The following RBM20 variants were observed in gnomAD, a reference collection of about 807,000 sequenced individuals.
The protein encoded by RBM20 is RNA-binding protein 20.
A neutral mutation model predicts 110.1 loss-of-function variants in RBM20; 51 were observed. The ratio of observed to expected loss-of-function variants is 0.46; its 90% CI spans 0.37 to 0.59. The LOEUF (loss-of-function observed/expected upper bound fraction) is 0.59, where lower values mean the gene tolerates loss of function less well. Among genes scored for constraint, RBM20 ranks in the 20% least tolerant of loss-of-function variants. The pLI, the probability that RBM20 is intolerant of heterozygous loss-of-function variation, is 0.00. For missense variants in RBM20, 1,512 were observed against 1,574.9 expected, an observed-to-expected ratio of 0.96 and a Z score of 0.68; for synonymous variants, 589 against 618.2, an observed-to-expected ratio of 0.95 and a Z score of 0.70.
chr10:110,827,505 C>A (rs1419145703), intron 12 of RBM20, among the ~76,000 whole-genome samples: 2 of 152,148 alleles, frequency 1.3e-5, no homozygotes, highest in Admixed American at 6.5e-5. Flanking sequence ...TACATTTGTG[C>A]AGAAACTATG....
At chr10:110,835,798 C>G (rs971801933) in intron 13 of RBM20, 70 bp from the exon 14 acceptor site, 7 of 1,455,120 alleles carry the variant, frequency 4.8e-6, no homozygotes, top group African/African-American at 2.8e-5. Context: ...GAGGCATGTC[C>G]GCTCCTCTCC....
At chr10:110,745,615 C>T (rs1843770762) in intron 1 of RBM20, among the ~76,000 whole-genome samples, 2 of 152,188 alleles carry the variant, frequency 1.3e-5, no homozygotes, top group Middle Eastern at 3.4e-3. Flanking sequence ...GGTCACTCAG[C>T]ATTTGCATAC....
At chr10:110,719,110 G>A (rs980262358) in intron 1 of RBM20, among the ~76,000 whole-genome samples, 3 of 152,226 alleles carry the variant, frequency 2.0e-5, no homozygotes, top group Non-Finnish European at 4.4e-5. Context: ...TGGCTGAGTT[G>A]CAGAGCATGT....
At chr10:110,701,554 C>T (rs1256772669) in intron 1 of RBM20, among the ~76,000 whole-genome samples, 3 of 152,158 alleles carry the variant, frequency 2.0e-5, no homozygotes, top group Admixed American at 6.5e-5. Context: ...AGGTCCAGCC[C>T]TCCTTTGCCT....
chr10:110,752,946 T>TATATATATATATATATATA (rs372172985), intron 1 of RBM20, among the ~76,000 whole-genome samples: 6 of 62,322 alleles, frequency 9.6e-5, no homozygotes, highest in African/African-American at 2.2e-4. Flanking sequence ...TATATATATA[T>TATATATATATATATATATA]TTTTTTTTTT....
At chr10:110,675,952 A>C (rs935802536) in intron 1 of RBM20, among the ~76,000 whole-genome samples, 2 of 152,258 alleles carry the variant, frequency 1.3e-5, no homozygotes, top group African/African-American at 2.4e-5. Context: ...ATGTAGGGTT[A>C]TAATGCAGTC....
At chr10:110,657,139 C>T (rs1590598845) in intron 1 of RBM20, among the ~76,000 whole-genome samples, 1 of 152,012 alleles carries the variant, frequency 6.6e-6, no homozygotes, top group East Asian at 1.9e-4. Flanking sequence ...GTCTCAGCCT[C>T]CCAAGTAGCT....
At chr10:110,788,218 C>T (rs1379094738) in intron 5 of RBM20, among the ~76,000 whole-genome samples, 2 of 152,174 alleles carry the variant, frequency 1.3e-5, no homozygotes, top group African/African-American at 4.8e-5. Context: ...CTCACCTCCC[C>T]CTCTCCCTAC....
At chr10:110,663,265 T>C (rs1411638624) in intron 1 of RBM20, among the ~76,000 whole-genome samples, 1 of 152,142 alleles carries the variant, frequency 6.6e-6, no homozygotes, top group African/African-American at 2.4e-5. Flanking sequence ...GCCATCACCC[T>C]GCTTTCTTAC....
chr10:110,806,687 G>T (rs1844699677), intron 7 of RBM20, among the ~76,000 whole-genome samples: 1 of 152,198 alleles, frequency 6.6e-6, no homozygotes, highest in African/African-American at 2.4e-5. Context: ...GCTGAAGATG[G>T]GTAATGGATT....
At chr10:110,764,989 C>T (rs1009758321) in intron 1 of RBM20, among the ~76,000 whole-genome samples, 5 of 152,050 alleles carry the variant, frequency 3.3e-5, no homozygotes, top group African/African-American at 9.7e-5. Flanking sequence ...CCACCCCCTC[C>T]GTTTTAAAAA....
intron 12 of RBM20, among the ~76,000 whole-genome samples, chr10:110,830,824 G>T (rs4918601): frequency 1.3e-5 from 2 of 151,928 alleles, no homozygotes; most frequent in Non-Finnish European, 2.9e-5. Flanking sequence ...TTACCACACC[G>T]CCGAGTCCAT....
intron 1 of RBM20, among the ~76,000 whole-genome samples, chr10:110,760,971 C>T (rs1041391254): frequency 6.6e-6 from 1 of 150,514 alleles, no homozygotes; most frequent in Admixed American, 6.6e-5. Flanking sequence ...TGGTGGGCAC[C>T]TGTAATCTCA....
intron 1 of RBM20, among the ~76,000 whole-genome samples, chr10:110,652,066 T>C (rs185752108): frequency 1.3e-5 from 2 of 152,338 alleles, no homozygotes; most frequent in Admixed American, 1.3e-4. Flanking sequence ...AAGTGAAAAT[T>C]AGAAACCACT....
In RBM20 at chr10:110,835,613, G is replaced by A. The variant is rs186180805; in HGVS notation, c.3574-255G>A. Reference sequence around the variant, plus strand: ...GGCCTCCCAAGTGCTGGGATTACAGGTGTGAGACACCACGCTCGGCCTGTA... The same window carrying A: ...GGCCTCCCAAGTGCTGGGATTACAGATGTGAGACACCACGCTCGGCCTGTA... On this transcript the variant is annotated intron_variant, in intron 13 of 13. Transcript: ENST00000369519. The A allele has an allele frequency of 5.0e-3, 1,354 of 268,180 alleles. 16 individuals are homozygous for A. The highest frequency in any genetic ancestry group is 0.024 in the South Asian group (318 of 13,164). The allele number at this position is 268,180 out of a possible 1,614,324, so 16.6% of individuals were successfully genotyped here.
At chr10:110,734,618 C>CTTTTTTTT (rs1554894037) in intron 1 of RBM20, among the ~76,000 whole-genome samples, 1 of 136,532 alleles carries the variant, frequency 7.3e-6, no homozygotes, top group African/African-American at 2.7e-5. Context: ...AAAATTCCCT[C>CTTTTTTTT]TTTTTTTTTT....
At chr10:110,810,031 T>G (rs1682701993) in intron 7 of RBM20, among the ~76,000 whole-genome samples, 1 of 152,210 alleles carries the variant, frequency 6.6e-6, no homozygotes, top group Non-Finnish European at 1.5e-5. Flanking sequence ...CCTGCCTTCC[T>G]TCCCTCCCTC....
At chr10:110,690,516 ACT>A (rs1242960739) in intron 1 of RBM20, among the ~76,000 whole-genome samples, 2 of 151,752 alleles carry the variant, frequency 1.3e-5, no homozygotes, top group East Asian at 3.9e-4. Context: ...CCAAACAGAA[ACT>A]CTCTACCCAT....
chr10:110,802,864 T>C (rs1844647226), intron 7 of RBM20, among the ~76,000 whole-genome samples: 1 of 152,220 alleles, frequency 6.6e-6, no homozygotes, highest in African/African-American at 2.4e-5. Flanking sequence ...AAGATGGTGA[T>C]GTCAGCCTGG....
Sources: allele counts gnomAD v4.1 joint callset (sites outside exome capture counted in the v4.1 genomes callset), GRCh38; gene constraint gnomAD v4.1.1; transcripts MANE v1.5; gene names NCBI Gene and HGNC (gene_info 2026-07-23, HGNC 2026-07-21).